Variants in TMEM74 observed in about 807,000 individuals in gnomAD.
TMEM74 encodes transmembrane protein 74.
In TMEM74, 13 loss-of-function variants were observed where a neutral mutation model predicts 18.1. The observed-to-expected ratio is 0.72, with a 90% CI of 0.47 to 1.14. TMEM74 has a LOEUF of 1.14. Among genes scored for constraint, TMEM74 ranks in the 50% most tolerant of loss-of-function variants. The probability of loss-of-function intolerance (pLI) is 0.00; values close to 1 mark genes in which losing one functional copy is unlikely to be tolerated. For synonymous variants in TMEM74, 159 were observed against 146.6 expected (o/e 1.08, Z -0.61); for missense variants, 372 against 375.9 (o/e 0.99, Z 0.09).
chr8:108,685,960 A>G (rs954940322), intron 1 of TMEM74, among the ~76,000 whole-genome samples: 1 of 152,168 alleles, frequency 6.6e-6, no homozygotes, highest in East Asian at 1.9e-4. Flanking sequence ...TTATTGATGT[A>G]CATATAATAA....
At chr8:108,668,305 G>A (rs1812969344) in intron 1 of TMEM74, among the ~76,000 whole-genome samples, 1 of 152,106 alleles carries the variant, frequency 6.6e-6, no homozygotes, top group Non-Finnish European at 1.5e-5. Context: ...CAAAACATAA[G>A]TTAATATATA....
chr8:108,681,383 C>G (rs1043148613), intron 1 of TMEM74, among the ~76,000 whole-genome samples: 4 of 152,146 alleles, frequency 2.6e-5, no homozygotes, highest in East Asian at 1.9e-4. Flanking sequence ...ACCATCTGAT[C>G]TTTGACAAAC....
chr8:108,727,904 A>G (rs1813655025), intron 1 of TMEM74, among the ~76,000 whole-genome samples: 1 of 152,224 alleles, frequency 6.6e-6, no homozygotes, highest in Admixed American at 6.5e-5. Flanking sequence ...GGCCTGGCAT[A>G]CAAATAATGA....
chr8:108,647,534 A>C (rs1349473479), intron 2 of TMEM74, among the ~76,000 whole-genome samples: 1 of 152,180 alleles, frequency 6.6e-6, no homozygotes, highest in African/African-American at 2.4e-5. Context: ...GGAAAAAAAA[A>C]GTATGGGATT....
chr8:108,615,905 G>T lies in TMEM74; in HGVS notation n.265-7079C>A, dbSNP rs999980874. On this transcript the variant is annotated intron_variant and non_coding_transcript_variant, in intron 2 of 3. Coordinates refer to the TMEM74 transcript ENST00000518838. Reference sequence around the variant, plus strand: ...AGGTTCAAGTGATTCTCCTGCCTCAGCCTCCTGAATAGCTGGGACTACAGG... The same window carrying T: ...AGGTTCAAGTGATTCTCCTGCCTCATCCTCCTGAATAGCTGGGACTACAGG... Among the ~76,000 whole-genome samples the T allele has an allele frequency of 2.2e-5, 3 of 137,976 alleles. No homozygotes were observed. The East Asian group carries it at 6.7e-4, about 31-fold the overall frequency. The allele number at this position is 137,976 out of a possible 152,430, so 90.5% of individuals were successfully genotyped here. A position where few individuals can be genotyped will look rare whatever the true frequency, so the allele number is the denominator to read the frequency against.
intron 1 of TMEM74, among the ~76,000 whole-genome samples, chr8:108,745,153 C>T (rs1813836849): frequency 6.6e-6 from 1 of 152,106 alleles, no homozygotes; most frequent in African/African-American, 2.4e-5. Context: ...CCTCTTTCTT[C>T]CTCTGTTTAG....
intron 1 of TMEM74, among the ~76,000 whole-genome samples, chr8:108,712,064 C>A (rs961164597): frequency 6.6e-6 from 1 of 152,028 alleles, no homozygotes; most frequent in African/African-American, 2.4e-5. Context: ...TTGCAAATTG[C>A]AAATTCCAGG....
chr8:108,713,320 G>A (rs1363894478), intron 1 of TMEM74, among the ~76,000 whole-genome samples: 1 of 152,094 alleles, frequency 6.6e-6, no homozygotes, highest in East Asian at 1.9e-4. Flanking sequence ...TAATGAGATA[G>A]AAAAGGAGAC....
chr8:108,694,758 G>A (rs1029955834), intron 1 of TMEM74, among the ~76,000 whole-genome samples: 4 of 152,150 alleles, frequency 2.6e-5, no homozygotes, highest in Admixed American at 6.5e-5. Context: ...GGATTTGACC[G>A]TACACAACTA....
At chr8:108,739,624 C>T (rs953936097) in intron 1 of TMEM74, among the ~76,000 whole-genome samples, 9 of 152,114 alleles carry the variant, frequency 5.9e-5, no homozygotes, top group Non-Finnish European at 1.0e-4. Context: ...GTTGACTGGG[C>T]TTGGGTGAGT....
At chr8:108,699,183 T>TCCTTCCTTCCTTCCTC (rs1316107934) in intron 1 of TMEM74, among the ~76,000 whole-genome samples, 3 of 70,458 alleles carry the variant, frequency 4.3e-5, no homozygotes. Flanking sequence ...CTTCCTTCCT[T>TCCTTCCTTCCTTCCTC]CCTCCCTCCC....
intron 1 of TMEM74, among the ~76,000 whole-genome samples, chr8:108,662,395 A>C (rs563791914): frequency 6.6e-6 from 1 of 152,236 alleles, no homozygotes; most frequent in South Asian, 2.1e-4. Context: ...ACAAGGAGAC[A>C]GAGAACAGGA....
chr8:108,639,824 A>T (rs1329261769), intron 2 of TMEM74, among the ~76,000 whole-genome samples: 1 of 152,092 alleles, frequency 6.6e-6, no homozygotes, highest in Non-Finnish European at 1.5e-5. Flanking sequence ...AGGGAGAGAG[A>T]TATTGTCTTC....
intron 1 of TMEM74, among the ~76,000 whole-genome samples, chr8:108,662,102 A>G (rs1812905634): frequency 6.6e-6 from 1 of 152,162 alleles, no homozygotes; most frequent in African/African-American, 2.4e-5. Flanking sequence ...AAAAAGATGG[A>G]TAGACCCATT....
At chr8:108,738,030 T>C (rs1813765334) in intron 1 of TMEM74, among the ~76,000 whole-genome samples, 1 of 152,184 alleles carries the variant, frequency 6.6e-6, no homozygotes, top group African/African-American at 2.4e-5. Context: ...ACTATCTCTT[T>C]AACTGATCTC....
downstream of TMEM74, among the ~76,000 whole-genome samples, chr8:108,774,560 C>T (rs961843097): frequency 6.6e-6 from 1 of 152,172 alleles, no homozygotes; most frequent in Non-Finnish European, 1.5e-5. Flanking sequence ...GTTTCTTAAC[C>T]ACTAGAGCCA....
chr8:108,690,620 C>A (rs2130606954), intron 1 of TMEM74, among the ~76,000 whole-genome samples: 1 of 151,910 alleles, frequency 6.6e-6, no homozygotes, highest in East Asian at 1.9e-4. Context: ...TCAAGACTAT[C>A]CTGGATAACA....
intron 1 of TMEM74, among the ~76,000 whole-genome samples, chr8:108,770,737 A>C (rs1814162404): frequency 6.6e-6 from 1 of 152,208 alleles, no homozygotes; most frequent in Non-Finnish European, 1.5e-5. Context: ...TTAACATATT[A>C]TATTTACAGG....
chr8:108,736,393 G>A (rs1193907998), intron 1 of TMEM74, among the ~76,000 whole-genome samples: 1 of 151,952 alleles, frequency 6.6e-6, no homozygotes, highest in African/African-American at 2.4e-5. Context: ...AATGTCATAG[G>A]TTGTTCTCTG....
Sources: allele counts gnomAD v4.1 joint callset (sites outside exome capture counted in the v4.1 genomes callset), GRCh38; gene constraint gnomAD v4.1.1; transcripts MANE v1.5; gene names NCBI Gene and HGNC (gene_info 2026-07-23, HGNC 2026-07-21).